PREP: variants seen among roughly 807,000 people sequenced by gnomAD.
The protein encoded by PREP is prolyl endopeptidase, also known as dJ355L5.1 (prolyl endopeptidase).
A neutral mutation model predicts 87.6 loss-of-function variants in PREP; 29 were observed. The observed-to-expected ratio is 0.33, with a 90% CI of 0.25 to 0.45. PREP has a LOEUF of 0.45. PREP is among the 20% of genes least tolerant of loss of function. The probability of loss-of-function intolerance (pLI) is 1.00; values close to 1 mark genes in which losing one functional copy is unlikely to be tolerated. For missense variants in PREP, 695 were observed against 886.5 expected (o/e 0.78, Z 2.74); for synonymous variants, 337 against 328.6 (o/e 1.03, Z -0.28).
At chr6:105,306,305 C>G (rs1770656504) in intron 10 of PREP, among the ~76,000 whole-genome samples, 1 of 152,174 alleles carries the variant, frequency 6.6e-6, no homozygotes, top group Admixed American at 6.5e-5. Context: ...TTATGAAGCA[C>G]TGGGGTGCAT....
rs183781654 is a variant in PREP, at chr6:105,330,237, G to A, written c.1016-1211C>T. 6.6e-5 allele frequency among the ~76,000 whole-genome samples: 10 copies of A among 152,276 alleles called. No individual in the cohort carries two copies. The East Asian group carries it at 1.9e-3, about 29-fold the overall frequency. ...AAGATGGCATTAATAAAGGATGCAC[G>A]TGTCTAACAGCTGAATGCAGAACAA... On this transcript the variant is annotated intron_variant, in intron 8 of 14. Transcript: ENST00000652536.
chr6:105,354,553 T>C (rs972633600), intron 6 of PREP, among the ~76,000 whole-genome samples: 20 of 151,990 alleles, frequency 1.3e-4, no homozygotes, highest in African/African-American at 4.8e-4. Context: ...AGATTACATT[T>C]AAATGAGCAG....
At chr6:105,351,441 C>G (rs1361895448) in intron 7 of PREP, among the ~76,000 whole-genome samples, 1 of 152,114 alleles carries the variant, frequency 6.6e-6, no homozygotes, top group Non-Finnish European at 1.5e-5. Context: ...CTTGAGTACT[C>G]TCTTTTCTAA....
rs116388505 is a variant in PREP, at chr6:105,359,661, C to T, written c.718-6584G>A. On this transcript the variant is annotated intron_variant, in intron 6 of 14. Transcript: ENST00000652536. ...GTGTTGGGAGCAGACAGCTCTCAGA[C>T]GAGAATCTCTCCAGGTCTCATCCTC... Among the ~76,000 whole-genome samples the T allele has an allele frequency of 2.5e-3, 386 of 152,224 alleles. 3 individuals are homozygous for T. The highest frequency in any genetic ancestry group is 8.6e-3 in the African/African-American group (356 of 41,532).
At chr6:105,381,170 C>T (rs1772826334) in intron 2 of PREP, among the ~76,000 whole-genome samples, 1 of 152,198 alleles carries the variant, frequency 6.6e-6, no homozygotes. Flanking sequence ...CTGCACTCTT[C>T]CAAGTCAAAT....
intron 3 of PREP, among the ~76,000 whole-genome samples, chr6:105,376,493 C>T (rs905418546): frequency 2.6e-5 from 4 of 151,776 alleles, no homozygotes; most frequent in Non-Finnish European, 2.9e-5. Context: ...GCACATTAGC[C>T]GAGTAGAGGC....
chr6:105,367,587 G>A, intron 6 of PREP, among the ~76,000 whole-genome samples: 2 of 151,330 alleles, frequency 1.3e-5, no homozygotes, highest in Non-Finnish European at 2.9e-5. Flanking sequence ...CAGGAGAATG[G>A]CGTGAACCCG....
At chr6:105,304,152 A>G (rs564788506) in intron 10 of PREP, among the ~76,000 whole-genome samples, 2 of 152,368 alleles carry the variant, frequency 1.3e-5, no homozygotes, top group East Asian at 3.9e-4. Flanking sequence ...AACAATAAAA[A>G]ATTTAAAGAA....
chr6:105,375,260 T>C (rs1165915643), intron 4 of PREP, among the ~76,000 whole-genome samples: 1 of 152,190 alleles, frequency 6.6e-6, no homozygotes, highest in Non-Finnish European at 1.5e-5. Flanking sequence ...ATAACTCCCA[T>C]CTTATTGATT....
chr6:105,402,185 A>C (rs9486078), intron 1 of PREP, among the ~76,000 whole-genome samples: 8,127 of 151,398 alleles, frequency 0.054, 266 homozygotes, highest in South Asian at 0.15. Flanking sequence ...CCCTCTCTCA[A>C]CTCCTTTTCT....
intron 2 of PREP, among the ~76,000 whole-genome samples, chr6:105,393,122 G>A (rs1442008750): frequency 6.6e-6 from 1 of 152,168 alleles, no homozygotes; most frequent in Non-Finnish European, 1.5e-5. Context: ...ACACAAAGGT[G>A]TATTAGCCAT....
intron 10 of PREP, among the ~76,000 whole-genome samples, chr6:105,317,280 A>G (rs550952374): frequency 6.6e-6 from 1 of 152,056 alleles, no homozygotes; most frequent in South Asian, 2.1e-4. Context: ...TAAGAGGTGA[A>G]AAAAAAATCC....
At chr6:105,369,263 G>A (rs1772474507) in intron 5 of PREP, among the ~76,000 whole-genome samples, 1 of 152,160 alleles carries the variant, frequency 6.6e-6, no homozygotes, top group Admixed American at 6.5e-5. Context: ...AACAAAATAT[G>A]TGTAAGATCT....
At chr6:105,318,380 CT>C (rs1036133612) in intron 10 of PREP, among the ~76,000 whole-genome samples, 6 of 152,296 alleles carry the variant, frequency 3.9e-5, no homozygotes, top group Admixed American at 1.3e-4. Flanking sequence ...GTAATGTCCT[CT>C]TTTAGACATG....
At position 105,292,327 on chromosome 6, in the gene PREP, C is replaced by T. The variant is rs1014983881; in HGVS notation, c.1318-3433G>A. On this transcript the variant is annotated intron_variant, in intron 10 of 14. Coordinates refer to ENST00000652536, the MANE Select transcript of PREP (RefSeq NM_002726.5). ...CCAGAATTACTCCTTGATCCATGGG[C>T]TGCAGAATGGATGTTGTGTTAGCAG... Among the ~76,000 whole-genome samples, 10 of 152,202 alleles carry T rather than the reference C, an allele frequency of 6.6e-5. No individual in the cohort carries two copies. In the East Asian group the frequency reaches 1.9e-3, roughly 29 times the overall value.
intron 6 of PREP, among the ~76,000 whole-genome samples, chr6:105,365,697 A>G (rs1772366066): frequency 6.6e-6 from 1 of 152,154 alleles, no homozygotes; most frequent in Non-Finnish European, 1.5e-5. Context: ...AACTGGTGGG[A>G]TGACACCAGT....
At chr6:105,376,693 C>CT (rs1313334298) in intron 3 of PREP, among the ~76,000 whole-genome samples, 1 of 152,216 alleles carries the variant, frequency 6.6e-6, no homozygotes, top group African/African-American at 2.4e-5. Context: ...ATTTCAAGCT[C>CT]TGTGAGCCAT....
At chr6:105,362,258 C>T (rs1054368162) in intron 6 of PREP, among the ~76,000 whole-genome samples, 8 of 152,120 alleles carry the variant, frequency 5.3e-5, no homozygotes, top group African/African-American at 1.7e-4. Context: ...GTGAGGAGTT[C>T]AGGACCAGCC....
rs1436084354 is a variant in PREP, at chr6:105,273,437, C to G, written c.*4707G>C. On this transcript the variant is annotated 3_prime_UTR_variant, in exon 15 of 15. Coordinates refer to ENST00000652536, the MANE Select transcript of PREP (RefSeq NM_002726.5). ...TTAATTACCATCTTCACCACCAACT[C>G]CAGGTACCCACTAATCTACATTCTA... 6.6e-6 allele frequency: 1 copy of G among 152,164 alleles called. No individual in the cohort carries two copies. Among genetic ancestry groups the G allele is most frequent in the East Asian group, 1.9e-4 (1 of 5,194 alleles). 9.4% of individuals were successfully genotyped at this position (152,164 alleles called of 1,614,324 possible). A position where few individuals can be genotyped will look rare whatever the true frequency, so the allele number is the denominator to read the frequency against.
Sources: allele counts gnomAD v4.1 joint callset (sites outside exome capture counted in the v4.1 genomes callset), GRCh38; gene constraint gnomAD v4.1.1; transcripts MANE v1.5; gene names NCBI Gene and HGNC (gene_info 2026-07-23, HGNC 2026-07-21).